Variants in KCTD18 observed in about 807,000 individuals in gnomAD.
KCTD18 encodes potassium channel tetramerization domain containing 18.
KCTD18 carries 22 observed loss-of-function variants against 30.4 expected under a neutral mutation model. The ratio of observed to expected loss-of-function variants is 0.72; its 90% CI spans 0.52 to 1.03. The LOEUF (loss-of-function observed/expected upper bound fraction) is 1.03, where lower values mean the gene tolerates loss of function less well. KCTD18 is among the 50% of genes least tolerant of loss of function. The pLI is 0.00. For missense variants in KCTD18, 529 were observed against 547.6 expected, an observed-to-expected ratio of 0.97 and a Z score of 0.34; for synonymous variants, 186 against 209.0, an observed-to-expected ratio of 0.89 and a Z score of 0.95.
At chr2:200,501,209 C>T (rs1371237916) in intron 3 of KCTD18, among the ~76,000 whole-genome samples, 1 of 151,478 alleles carries the variant, frequency 6.6e-6, no homozygotes, top group Non-Finnish European at 1.5e-5. Context: ...TATTACCATT[C>T]AGGACATAGG....
At chr2:200,500,026 A>C (rs888495511) in intron 3 of KCTD18, among the ~76,000 whole-genome samples, 3 of 152,178 alleles carry the variant, frequency 2.0e-5, no homozygotes, top group Non-Finnish European at 1.5e-5. Context: ...CCAAAGGCAA[A>C]AACCACATGA....
intron 1 of KCTD18, among the ~76,000 whole-genome samples, chr2:200,508,016 G>C (rs1164988705): frequency 1.3e-5 from 2 of 152,132 alleles, no homozygotes; most frequent in African/African-American, 2.4e-5. Context: ...GGCCAGTCTA[G>C]AACTACAAAT....
intron 1 of KCTD18, among the ~76,000 whole-genome samples, chr2:200,507,349 A>G (rs549389650): frequency 2.0e-5 from 3 of 152,254 alleles, no homozygotes; most frequent in Admixed American, 6.5e-5. Context: ...ATGGTAATGC[A>G]CTCTCTGTCA....
Position 200,490,022 on chromosome 2 carries a change from A to C in KCTD18, c.*78T>G. ...CCTAAGCTTCCCCTCTGCTGCATTA[A>C]GAAAGTGTCACTTCTTTGCGTCGAA... On this transcript the variant is annotated 3_prime_UTR_variant, in exon 7 of 7. Coordinates refer to ENST00000359878, the MANE Select transcript of KCTD18 (RefSeq NM_152387.4). 1 of 1,430,954 alleles carries C rather than the reference A, an allele frequency of 7.0e-7. No individual in the cohort carries two copies. The highest frequency in any genetic ancestry group is 9.3e-7 in the Non-Finnish European group (1 of 1,072,332). 88.6% of individuals were successfully genotyped at this position (1,430,954 alleles called of 1,614,324 possible).
intron 1 of KCTD18, among the ~76,000 whole-genome samples, chr2:200,508,598 C>CA (rs2030336996): frequency 6.9e-6 from 1 of 144,432 alleles, no homozygotes; most frequent in South Asian, 2.4e-4. Context: ...CACTTTTACT[C>CA]AGTGAACAAC....
At chr2:200,504,325 G>A (rs1475189065) in intron 3 of KCTD18, among the ~76,000 whole-genome samples, 1 of 152,066 alleles carries the variant, frequency 6.6e-6, no homozygotes, top group Non-Finnish European at 1.5e-5. Flanking sequence ...TGGGCATAGT[G>A]GCAGGCGCCT....
intron 2 of KCTD18, among the ~76,000 whole-genome samples, 184 bp downstream of exon 2, chr2:200,506,673 A>G (rs989988803): frequency 1.3e-5 from 2 of 152,252 alleles, no homozygotes; most frequent in African/African-American, 2.4e-5. Flanking sequence ...TTTTAACATT[A>G]TCACAGATTT....
At chr2:200,491,809 C>T (rs2087921476) in intron 6 of KCTD18, among the ~76,000 whole-genome samples, 1 of 152,220 alleles carries the variant, frequency 6.6e-6, no homozygotes, top group African/African-American at 2.4e-5. Context: ...TCTTGCAAGT[C>T]TGCATAGCAT....
intron 1 of KCTD18, among the ~76,000 whole-genome samples, chr2:200,509,096 T>C (rs1420559774): frequency 6.6e-6 from 1 of 152,208 alleles, no homozygotes; most frequent in African/African-American, 2.4e-5. Flanking sequence ...ATGCTTATTA[T>C]GTGCCAGCCA....
At chr2:200,491,198 C>T (rs996725690) in intron 6 of KCTD18, among the ~76,000 whole-genome samples, 3 of 151,996 alleles carry the variant, frequency 2.0e-5, no homozygotes, top group East Asian at 1.9e-4. Flanking sequence ...TCACTCTATT[C>T]GTTCACGTGG....
At chr2:200,507,418 CATG>C (rs2030262730) in intron 1 of KCTD18, among the ~76,000 whole-genome samples, 7 of 152,134 alleles carry the variant, frequency 4.6e-5, no homozygotes, top group Admixed American at 4.6e-4. Flanking sequence ...TCTTTTTAAC[CATG>C]ATAAGTCTGA....
rs915502823 is a variant in KCTD18 at position 200,498,807 on chromosome 2, G to A, written c.566+84C>T. ...TGAGAGGTGTTAATGGTCTTTTCTA[G>A]TCAAGCACATTTCATTCAGAAACAC... is the stretch of plus-strand genomic sequence containing the variant. On this transcript the variant is annotated intron_variant, in intron 4 of 6. Transcript: ENST00000359878. 2.8e-5 allele frequency: 35 copies of A among 1,238,692 alleles called. No individual in the cohort carries two copies. In the African/African-American group the frequency reaches 4.5e-4, roughly 16 times the overall value. The allele number at this position is 1,238,692 out of a possible 1,614,324, so 76.7% of individuals were successfully genotyped here.
rs560977658 is a variant in KCTD18, at chr2:200,497,816, T to A, written c.598A>T (p.Ser200Cys). ...TTCAACTCTGCTACTGAATAATAGC[T>A]CCAAATGTACTGAACATTATTTCCC... Reference protein sequence around the residue: ...EAGNNVQYIWSYYSVAELKKM... With the variant: ...EAGNNVQYIWCYYSVAELKKM... The change falls in exon 5 of 7, where the codon AGC (serine) becomes TGC (cysteine). Residue 200 changes from serine to cysteine, a missense_variant. Physicochemically the swap from Ser to Cys is moderately radical, Grantham distance 112. Coordinates refer to ENST00000359878, the MANE Select transcript of KCTD18 (RefSeq NM_152387.4). The A allele has an allele frequency of 1.1e-5, 17 of 1,612,178 alleles. No individual in the cohort carries two copies. The South Asian group carries it at 1.9e-4, about 18-fold the overall frequency.
chr2:200,498,943 C>T lies in KCTD18; in HGVS notation c.514G>A (p.Ala172Thr), dbSNP rs189727026. 148 of 1,614,088 alleles carry T rather than the reference C, an allele frequency of 9.2e-5. No homozygotes were observed. The highest frequency in any genetic ancestry group is 1.1e-4 in the Non-Finnish European group (130 of 1,179,974). ...VYATKTDGTD[A>T]IEKQLGGRIH... ...CTTCCTCCCAGCTGCTTTTCAATAG[C>T]GTCTGTTCCATCAGTTTTTGTGGCA... The change falls in exon 4 of 7, where the codon GCT (alanine) becomes ACT (threonine). Residue 172 changes from alanine to threonine, a missense_variant. Coordinates refer to ENST00000359878, the MANE Select transcript of KCTD18 (RefSeq NM_152387.4).
At position 200,490,282 on chromosome 2, in the gene KCTD18, A is replaced by C. The variant is rs1302584200; in HGVS notation, c.1099T>G (p.Ser367Ala). 1 of 1,614,082 alleles carries C rather than the reference A, an allele frequency of 6.2e-7. No homozygotes were observed. The highest frequency in any genetic ancestry group is 2.2e-5 in the East Asian group (1 of 44,896). ...THLPPAKVLL[S>A]DKKPTPQRVI... ...CGCTGGGGTGTAGGCTTCTTGTCGG[A>C]GAGTAGCACCTTAGCTGGAGGTAAG... The change falls in exon 7 of 7, where the codon TCC (serine) becomes GCC (alanine). Residue 367 changes from serine to alanine, a missense_variant. By Grantham distance (99) the Ser-to-Ala change is moderately conservative. Transcript: ENST00000359878.
At chr2:200,507,763 A>G (rs4674126) in intron 1 of KCTD18, among the ~76,000 whole-genome samples, 4,547 of 152,336 alleles carry the variant, frequency 0.03, 66 homozygotes, top group South Asian at 0.074. Context: ...ATTAACAATG[A>G]TAACTATAAT....
Position 200,497,722 on chromosome 2 carries a change from G to A in KCTD18, c.661+31C>T, listed in dbSNP as rs1433151253. 2.1e-6 allele frequency: 3 copies of A among 1,418,852 alleles called. No individual in the cohort carries two copies. In the East Asian group the frequency reaches 6.9e-5, roughly 32 times the overall value. 87.9% of individuals were successfully genotyped at this position (1,418,852 alleles called of 1,614,324 possible). A position where few individuals can be genotyped will look rare whatever the true frequency, so the allele number is the denominator to read the frequency against. Reference sequence around the variant, plus strand: ...TGTCTTTTTTTTTTAAAGTCCACCTGCTTCCATGAAATAAAAGAATTGCAC... The same window carrying A: ...TGTCTTTTTTTTTTAAAGTCCACCTACTTCCATGAAATAAAAGAATTGCAC... On this transcript the variant is annotated intron_variant, in intron 5 of 6. Transcript: ENST00000359878.
rs1046803847 is a variant in KCTD18 at position 200,489,757 on chromosome 2, G to A, written c.*343C>T. 3 of 225,458 alleles carry A rather than the reference G, an allele frequency of 1.3e-5. No individual in the cohort carries two copies. Among genetic ancestry groups the A allele is most frequent in the Non-Finnish European group, 2.6e-5 (3 of 115,728 alleles). The allele number at this position is 225,458 out of a possible 1,614,324, so 14.0% of individuals were successfully genotyped here. A position where few individuals can be genotyped will look rare whatever the true frequency, so the allele number is the denominator to read the frequency against. ...CAAACCTCATGCCCATCCTCGGGTTGCAACAAGTAACGTTTACTTCAGCAA... is the reference window on the plus strand; with the variant it reads ...CAAACCTCATGCCCATCCTCGGGTTACAACAAGTAACGTTTACTTCAGCAA... On this transcript the variant is annotated 3_prime_UTR_variant, in exon 7 of 7. Coordinates refer to ENST00000359878, the MANE Select transcript of KCTD18 (RefSeq NM_152387.4).
At chr2:200,495,791 G>A (rs978770228) in intron 5 of KCTD18, 3 of 151,722 alleles carry the variant, frequency 2.0e-5, no homozygotes, top group African/African-American at 7.3e-5. Context: ...ACTTTGTCCA[G>A]TTAATGCAAC....
Sources: gnomAD v4.1 joint callset for allele counts (sites outside exome capture counted in the v4.1 genomes callset) on GRCh38, gnomAD v4.1.1 for gene constraint, MANE v1.5 for transcripts, NCBI Gene and HGNC (gene_info 2026-07-23, HGNC 2026-07-21) for gene names.